The following TMEM178B variants were observed in gnomAD, a reference collection of about 807,000 sequenced individuals.
TMEM178B encodes transmembrane protein 178B.
A neutral mutation model predicts 31.0 loss-of-function variants in TMEM178B; 5 were observed. The observed-to-expected ratio is 0.16, with a 90% CI of 0.08 to 0.34. TMEM178B has a LOEUF of 0.34. Among genes scored for constraint, TMEM178B ranks in the 10% least tolerant of loss-of-function variants. The pLI is 1.00. For synonymous variants in TMEM178B, 164 were observed against 164.0 expected (o/e 1.00, Z 0.00); for missense variants, 275 against 400.3 (o/e 0.69, Z 2.67).
In TMEM178B at chr7:141,348,065, T is replaced by C. The variant is rs141012848; in HGVS notation, c.497-89543T>C. On this transcript the variant is annotated intron_variant, in intron 2 of 3. Coordinates refer to ENST00000565468, the MANE Select transcript of TMEM178B (RefSeq NM_001195278.2). ...TCTAACCACATTTAGCAACAATGCT[T>C]ACATATGCTTTTGTGTCCTTGTGAG... 4.6e-5 allele frequency among the ~76,000 whole-genome samples: 7 copies of C among 152,338 alleles called. No individual in the cohort carries two copies. The East Asian group carries it at 1.3e-3, about 29-fold the overall frequency.
At chr7:141,222,016 G>C (rs1157525238) in intron 2 of TMEM178B, among the ~76,000 whole-genome samples, 1 of 152,214 alleles carries the variant, frequency 6.6e-6, no homozygotes, top group African/African-American at 2.4e-5. Flanking sequence ...TTGGTCTGGA[G>C]AGCATTGGTG....
At position 141,074,436 on chromosome 7, in the gene TMEM178B, G is replaced by A. The variant is rs1794562527; in HGVS notation, c.126G>A (p.Arg42=). Residue 42 remains arginine, a synonymous_variant, in exon 1 of 4, where the codon AGG becomes AGA. Transcript: ENST00000565468. The surrounding 1 kb of genome is among the most constrained non-coding windows in gnomAD (Gnocchi z 5.1). ...YETDARKHRD[R]CKAFNTRRVD... is the part of the protein sequence containing the mutation. Reference sequence around the variant, plus strand: ...CGGACGCCAGGAAGCACAGGGACAGGTGCAAGGCCTTCAACACCCGCCGGG... The same window carrying A: ...CGGACGCCAGGAAGCACAGGGACAGATGCAAGGCCTTCAACACCCGCCGGG... 3.3e-6 allele frequency: 5 copies of A among 1,536,010 alleles called. No individual in the cohort carries two copies. In the African/African-American group the frequency reaches 6.8e-5, roughly 21 times the overall value.
At chr7:141,426,977 T>G (rs1324210797) in intron 2 of TMEM178B, among the ~76,000 whole-genome samples, 2 of 152,034 alleles carry the variant, frequency 1.3e-5, no homozygotes, top group African/African-American at 4.8e-5. Flanking sequence ...TGCAAAAAAT[T>G]TAAACACTTA....
chr7:141,389,520 A>C (rs1444410970), intron 2 of TMEM178B, among the ~76,000 whole-genome samples: 4 of 152,242 alleles, frequency 2.6e-5, no homozygotes, highest in African/African-American at 9.6e-5. Context: ...TTTATCACTT[A>C]CAGCTGGGAA....
At chr7:141,403,698 G>C (rs2116623417) in intron 2 of TMEM178B, among the ~76,000 whole-genome samples, 1 of 152,316 alleles carries the variant, frequency 6.6e-6, no homozygotes, top group East Asian at 1.9e-4. Context: ...CCCATGCCTG[G>C]TACATGGTCC....
At chr7:141,223,237 G>C (rs1797283700) in intron 2 of TMEM178B, among the ~76,000 whole-genome samples, 2 of 152,172 alleles carry the variant, frequency 1.3e-5, no homozygotes, top group Non-Finnish European at 2.9e-5. Flanking sequence ...GCTGCGGTTA[G>C]GGTGGAGGGG....
chr7:141,483,686 T>G (rs985844489), downstream of TMEM178B, among the ~76,000 whole-genome samples: 2 of 151,986 alleles, frequency 1.3e-5, no homozygotes, highest in Non-Finnish European at 2.9e-5. Flanking sequence ...TCACCTCCCA[T>G]GCACAATTAG....
At chr7:141,358,143 G>T (rs761310796) in intron 2 of TMEM178B, among the ~76,000 whole-genome samples, 6 of 152,138 alleles carry the variant, frequency 3.9e-5, no homozygotes, top group Non-Finnish European at 7.4e-5. Flanking sequence ...TTTTGCTGAT[G>T]ATTAATATTT....
At chr7:141,487,783 C>A in the TMEM178B span, among the ~76,000 whole-genome samples, 1 of 147,712 alleles carries the variant, frequency 6.8e-6, no homozygotes, top group African/African-American at 2.5e-5. Context: ...GTGGACTTCA[C>A]GACCTCCCTT....
intron 2 of TMEM178B, among the ~76,000 whole-genome samples, chr7:141,376,306 G>A: frequency 6.6e-6 from 1 of 152,316 alleles, no homozygotes; most frequent in East Asian, 1.9e-4. Context: ...TAACTGGCAG[G>A]AAAATCACTG....
chr7:141,387,677 AC>A (rs1800458218), intron 2 of TMEM178B, among the ~76,000 whole-genome samples: 1 of 151,852 alleles, frequency 6.6e-6, no homozygotes, highest in South Asian at 2.1e-4. Context: ...GTATCTGCGC[AC>A]CCCCGTTCCT....
At chr7:141,267,840 G>A (rs1798118176) in intron 2 of TMEM178B, among the ~76,000 whole-genome samples, 1 of 152,212 alleles carries the variant, frequency 6.6e-6, no homozygotes, top group South Asian at 2.1e-4. Flanking sequence ...GGGGGATGGG[G>A]CAAAAGAGGG....
chr7:141,420,638 G>A (rs1017087931), intron 2 of TMEM178B, among the ~76,000 whole-genome samples: 8 of 152,126 alleles, frequency 5.3e-5, no homozygotes, highest in African/African-American at 1.9e-4. Flanking sequence ...GGGAATGAGT[G>A]GAGAGAAGGA....
At chr7:141,392,592 C>T (rs1034620248) in intron 2 of TMEM178B, among the ~76,000 whole-genome samples, 7 of 152,116 alleles carry the variant, frequency 4.6e-5, no homozygotes, top group African/African-American at 1.4e-4. Flanking sequence ...CCTAACATCA[C>T]CCATGCCTCA....
rs186463898 is a variant in TMEM178B at position 141,118,545 on chromosome 7, T to C, written c.382+43853T>C. On this transcript the variant is annotated intron_variant, in intron 1 of 3. Transcript: ENST00000565468. Reference sequence around the variant, plus strand: ...ATACAATAGTGACTGATGGTGATGGTGATTATTCTAGTTAAATCACGGATC... The same window carrying C: ...ATACAATAGTGACTGATGGTGATGGCGATTATTCTAGTTAAATCACGGATC... Among the ~76,000 whole-genome samples the C allele has an allele frequency of 3.4e-3, 518 of 152,316 alleles. 3 individuals are homozygous for C. The highest frequency in any genetic ancestry group is 0.012 in the African/African-American group (500 of 41,566).
intron 1 of TMEM178B, among the ~76,000 whole-genome samples, chr7:141,106,450 T>C (rs1273209521): frequency 6.6e-6 from 1 of 152,240 alleles, no homozygotes; most frequent in Admixed American, 6.5e-5. Context: ...TAAAGACATT[T>C]AGGTTTTGGT....
At chr7:141,487,200 C>T in the TMEM178B span, among the ~76,000 whole-genome samples, 1 of 152,128 alleles carries the variant, frequency 6.6e-6, no homozygotes, top group Non-Finnish European at 1.5e-5. Flanking sequence ...TTCCTTATAG[C>T]TCAGCTTCTT....
chr7:141,382,634 C>T (rs1371715099), intron 2 of TMEM178B, among the ~76,000 whole-genome samples: 1 of 152,094 alleles, frequency 6.6e-6, no homozygotes, highest in East Asian at 1.9e-4. Flanking sequence ...CATCTATTAC[C>T]AGCATTAACA....
At chr7:141,363,205 G>A (rs545992784) in intron 2 of TMEM178B, among the ~76,000 whole-genome samples, 1 of 152,316 alleles carries the variant, frequency 6.6e-6, no homozygotes, top group South Asian at 2.1e-4. Context: ...TTGTGAATGG[G>A]ACTGGCACAA....
Sources: allele counts gnomAD v4.1 joint callset (sites outside exome capture counted in the v4.1 genomes callset), GRCh38; gene constraint gnomAD v4.1.1; non-coding constraint Gnocchi (gnomAD v3.1); transcripts MANE v1.5; gene names NCBI Gene and HGNC (gene_info 2026-07-23, HGNC 2026-07-21).